Variants in DNAH8 observed in about 807,000 individuals in gnomAD.
The protein encoded by DNAH8 is dynein axonemal heavy chain 8, also known as axonemal beta dynein heavy chain 8.
In DNAH8, 382 loss-of-function variants were observed where a neutral mutation model predicts 562.1. The observed-to-expected ratio is 0.68, with a 90% CI of 0.63 to 0.74. DNAH8 has a LOEUF of 0.74. Among genes scored for constraint, DNAH8 ranks in the 30% least tolerant of loss-of-function variants. The pLI is 0.00. For synonymous variants in DNAH8, 1,881 were observed against 1,919.4 expected (o/e 0.98, Z 0.52); for missense variants, 5,203 against 5,620.4 (o/e 0.93, Z 2.37).
At chr6:39,014,115 A>G (rs1220648806) in intron 91 of DNAH8, among the ~76,000 whole-genome samples, 1 of 152,188 alleles carries the variant, frequency 6.6e-6, no homozygotes, top group Admixed American at 6.5e-5. Flanking sequence ...GCATTTTCCA[A>G]TACCTTAAAA....
intron 74 of DNAH8, among the ~76,000 whole-genome samples, chr6:38,926,638 G>A (rs1016311595): frequency 6.6e-6 from 1 of 152,134 alleles, no homozygotes; most frequent in African/African-American, 2.4e-5. Context: ...GGTGAGAGTA[G>A]ACAAGGGCAG....
rs1561936192 is a variant in DNAH8 at position 38,978,030 on chromosome 6, C to A, written c.12834+3501C>A. Reference sequence around the variant, plus strand: ...CAACCCTTAAGGGAAGAGTCTTGAACCACTTTTACATCCATTTCATAGTCT... The same window carrying A: ...CAACCCTTAAGGGAAGAGTCTTGAAACACTTTTACATCCATTTCATAGTCT... On this transcript the variant is annotated intron_variant, in intron 85 of 92. Transcript: ENST00000327475. Among the ~76,000 whole-genome samples the A allele has an allele frequency of 2.6e-5, 4 of 152,324 alleles. No individual in the cohort carries two copies. The South Asian group carries it at 8.3e-4, about 32-fold the overall frequency.
At chr6:38,951,245 G>GT in intron 81 of DNAH8, 73 bp from the exon 82 acceptor site, 2 of 1,323,068 alleles carry the variant, frequency 1.5e-6, no homozygotes, top group South Asian at 2.5e-5. Context: ...TTAAATGTAT[G>GT]TTTTTACTTA....
intron 79 of DNAH8, among the ~76,000 whole-genome samples, 183 bp downstream of exon 79, chr6:38,939,171 T>G (rs574356293): frequency 6.6e-6 from 1 of 152,364 alleles, no homozygotes; most frequent in South Asian, 2.1e-4. Flanking sequence ...TTACTTAAGA[T>G]TCAGGCCTGT....
At chr6:39,009,742 A>G (rs1294574422) in intron 89 of DNAH8, among the ~76,000 whole-genome samples, 1 of 152,186 alleles carries the variant, frequency 6.6e-6, no homozygotes, top group Non-Finnish European at 1.5e-5. Context: ...TTAGCATGCA[A>G]TGAGTGTCCC....
intron 15 of DNAH8, 121 bp downstream of exon 15, chr6:38,780,186 C>CGTCA: frequency 1.1e-6 from 1 of 920,014 alleles, no homozygotes; most frequent in Non-Finnish European, 1.6e-6. Context: ...TGCTAAGGAG[C>CGTCA]ATTGACGCTC....
rs767160721 is a variant in DNAH8 at position 38,737,200 on chromosome 6, A to T, written c.896A>T (p.Glu299Val). ...WGALNQSKQG[E>V]SEKHIFTETI... ...GCTTTAAACCAGTCCAAGCAGGGAGAATCTGAAAAACATATTTTCACTGAA... is the reference window on the plus strand; with the variant it reads ...GCTTTAAACCAGTCCAAGCAGGGAGTATCTGAAAAACATATTTTCACTGAA... Residue 299 changes from glutamate (E) to valine (V), a missense_variant, in exon 6 of 93, where the codon GAA becomes GTA. Physicochemically the swap from Glu to Val is moderately radical, Grantham distance 121. Transcript: ENST00000327475. 6.5e-7 allele frequency: 1 copy of T among 1,528,422 alleles called. No individual in the cohort carries two copies. Among genetic ancestry groups the T allele is most frequent in the African/African-American group, 1.4e-5 (1 of 71,772 alleles). The allele number at this position is 1,528,422 out of a possible 1,614,324, so 94.7% of individuals were successfully genotyped here.
intron 39 of DNAH8, among the ~76,000 whole-genome samples, chr6:38,852,417 C>T (rs1238689490): frequency 2.0e-5 from 3 of 151,952 alleles, no homozygotes; most frequent in Non-Finnish European, 4.4e-5. Flanking sequence ...GCGGTGTGGT[C>T]CAGTCCCCAT....
intron 8 of DNAH8, among the ~76,000 whole-genome samples, chr6:38,750,032 C>G (rs1284373094): frequency 6.6e-6 from 1 of 152,180 alleles, no homozygotes; most frequent in Non-Finnish European, 1.5e-5. Flanking sequence ...CGGGGTTTCA[C>G]CGTGTTAGCT....
rs1561940903 is a variant in DNAH8 at position 38,982,475 on chromosome 6, A to G, written c.12951+13A>G. The G allele has an allele frequency of 1.6e-6, 2 of 1,287,672 alleles. No homozygotes were observed. Among genetic ancestry groups the G allele is most frequent in the Non-Finnish European group, 2.3e-6 (2 of 883,902 alleles). The allele number at this position is 1,287,672 out of a possible 1,614,324, so 79.8% of individuals were successfully genotyped here. A position where few individuals can be genotyped will look rare whatever the true frequency, so the allele number is the denominator to read the frequency against. On this transcript the variant is annotated intron_variant, in intron 86 of 92. Coordinates refer to ENST00000327475, the MANE Select transcript of DNAH8 (RefSeq NM_001206927.2). ...CGATATTAAGAAAGTGAGTGAAATT[A>G]TGCCTTTTTTCCTGTTTTTATTGCT...
At chr6:38,936,024 A>ATTTT (rs397958545) in intron 77 of DNAH8, among the ~76,000 whole-genome samples, 1 of 140,102 alleles carries the variant, frequency 7.1e-6, no homozygotes, top group Non-Finnish European at 1.6e-5. Flanking sequence ...TGCTCAATCT[A>ATTTT]TTTTTTTTTT....
intron 24 of DNAH8, among the ~76,000 whole-genome samples, chr6:38,813,853 C>G (rs906826936): frequency 2.6e-5 from 4 of 152,152 alleles, no homozygotes. Flanking sequence ...TATGAGATTA[C>G]TATTTTACTT....
intron 10 of DNAH8, among the ~76,000 whole-genome samples, chr6:38,758,637 T>C (rs12201174): frequency 0.17 from 24,860 of 149,396 alleles, 2,394 homozygotes; most frequent in Non-Finnish European, 0.21. Flanking sequence ...CCAGTTTTTG[T>C]CTATTCAGTA....
At position 38,857,604 on chromosome 6, in the gene DNAH8, A is replaced by G. The variant is rs1282160312; in HGVS notation, c.5820A>G (p.Gln1940=). 6 of 1,613,818 alleles carry G rather than the reference A, an allele frequency of 3.7e-6. No homozygotes were observed. The highest frequency in any genetic ancestry group is 5.1e-6 in the Non-Finnish European group (6 of 1,179,868). ...RNAKDDRKIM[Q]VTNQKFLDIL... is the part of the protein sequence containing the mutation. Reference sequence around the variant, plus strand: ...CAAAAGATGACAGGAAAATCATGCAAGTGACCAATCAGAAATTTTTGGATA... The same window carrying G: ...CAAAAGATGACAGGAAAATCATGCAGGTGACCAATCAGAAATTTTTGGATA... The change falls in exon 42 of 93, where the codon CAA becomes CAG. Residue 1940 remains glutamine, a synonymous_variant. Coordinates refer to ENST00000327475, the MANE Select transcript of DNAH8 (RefSeq NM_001206927.2).
chr6:38,781,805 G>A (rs978946307), intron 16 of DNAH8, among the ~76,000 whole-genome samples: 6 of 152,064 alleles, frequency 3.9e-5, no homozygotes, highest in South Asian at 2.1e-4. Flanking sequence ...CACTGAGAGC[G>A]GAATATAATA....
In DNAH8 at chr6:38,949,452, A is replaced by G; in HGVS notation, c.12130A>G (p.Ile4044Val). ...TTGCTAATTGGCTTGCTTCTTTTAG[A>G]TATCTCGTAATGAGAAGGGGTGGAA... ...LPQFAEIMNQ[I>V]SRNEKGWKSW... The change falls in exon 81 of 93, where the codon ATA becomes GTA. Residue 4044 changes from isoleucine (I) to valine (V), a missense_variant and splice_region_variant. Transcript: ENST00000327475. 6.3e-7 allele frequency: 1 copy of G among 1,594,606 alleles called. No homozygotes were observed. Among genetic ancestry groups the G allele is most frequent in the Non-Finnish European group, 8.6e-7 (1 of 1,162,406 alleles).
intron 87 of DNAH8, among the ~76,000 whole-genome samples, chr6:38,984,635 A>G (rs1001203096): frequency 1.3e-4 from 20 of 152,260 alleles, no homozygotes; most frequent in African/African-American, 4.6e-4. Flanking sequence ...TACTAAAAAT[A>G]CAAAAAGTAG....
At chr6:38,867,626 G>A (rs1210665067) in intron 47 of DNAH8, among the ~76,000 whole-genome samples, 2 of 150,922 alleles carry the variant, frequency 1.3e-5, no homozygotes, top group East Asian at 1.9e-4. Context: ...GGTGGCACGC[G>A]CCTATAATCC....
At chr6:38,999,975 A>T (rs1583542310) in intron 88 of DNAH8, among the ~76,000 whole-genome samples, 2 of 152,168 alleles carry the variant, frequency 1.3e-5, no homozygotes, top group East Asian at 3.9e-4. Context: ...CAGGAAATAA[A>T]AAAACAATAA....
Sources: gnomAD v4.1 joint callset for allele counts (sites outside exome capture counted in the v4.1 genomes callset) on GRCh38, gnomAD v4.1.1 for gene constraint, MANE v1.5 for transcripts, NCBI Gene and HGNC (gene_info 2026-07-23, HGNC 2026-07-21) for gene names.